The following ARHGEF28 variants were observed in gnomAD, a reference collection of about 807,000 sequenced individuals.
ARHGEF28 encodes the protein Rho guanine nucleotide exchange factor 28.
In ARHGEF28, 152 loss-of-function variants were observed where a neutral mutation model predicts 206.6. The observed-to-expected ratio is 0.74, with a 90% confidence interval of 0.64 to 0.84. ARHGEF28 has a LOEUF of 0.84. Ranked by LOEUF, ARHGEF28 falls within the 40% of genes least tolerant of loss-of-function variation. The pLI, the probability that ARHGEF28 is intolerant of heterozygous loss-of-function variation, is 0.00. For missense variants in ARHGEF28, 2,028 were observed against 2,073.2 expected (o/e 0.98, Z 0.42); for synonymous variants, 763 against 776.4 (o/e 0.98, Z 0.29).
chr5:73,813,799 CT>C, intron 9 of ARHGEF28: 1 of 976,034 alleles, frequency 1.0e-6, no homozygotes, highest in Non-Finnish European at 1.5e-6. Flanking sequence ...TTATAAAACA[CT>C]CACTGTACAG....
intron 1 of ARHGEF28, among the ~76,000 whole-genome samples, chr5:73,645,598 A>G (rs970649238): frequency 1.3e-5 from 2 of 152,244 alleles, no homozygotes; most frequent in African/African-American, 2.4e-5. Context: ...AGAAAACATG[A>G]TACTGAACTA....
intron 2 of ARHGEF28, among the ~76,000 whole-genome samples, chr5:73,686,912 C>A (rs1038978278): frequency 2.0e-4 from 30 of 152,024 alleles, no homozygotes; most frequent in Admixed American, 5.2e-4. Context: ...CATAATCTCA[C>A]CCCCATGGAT....
At position 73,669,127 on chromosome 5, in the gene ARHGEF28, T is replaced by A. The variant is rs183421069; in HGVS notation, c.-11-15714T>A. ...TTCTGTAGGGTGGGTGTGAATTTTT[T>A]AATATATTTTAAAAATTCCAATTCA... On this transcript the variant is annotated intron_variant, in intron 1 of 35. Transcript: ENST00000513042. 1.5e-3 allele frequency among the ~76,000 whole-genome samples: 227 copies of A among 152,352 alleles called. 6 individuals are homozygous for A. The East Asian group carries it at 0.036, about 24-fold the overall frequency.
At chr5:73,874,710 T>C (rs1229847362) in intron 22 of ARHGEF28, among the ~76,000 whole-genome samples, 1 of 151,316 alleles carries the variant, frequency 6.6e-6, no homozygotes, top group Admixed American at 6.6e-5. Context: ...AGAATGATGA[T>C]TTCCAATTTC....
In ARHGEF28 at chr5:73,928,085, G is replaced by A. The variant is rs190633677; in HGVS notation, c.4949-12759G>A. ...AATATCAATTTCTCAAACCAGAATA[G>A]GTATGTAAGTTCTTTGACATCTCAT... On this transcript the variant is annotated intron_variant, in intron 35 of 35. Transcript: ENST00000513042. 2.0e-4 allele frequency among the ~76,000 whole-genome samples: 30 copies of A among 152,290 alleles called. No individual in the cohort carries two copies. In the East Asian group the frequency reaches 5.2e-3, roughly 26 times the overall value.
At chr5:73,785,977 C>T (rs1219569527) in intron 7 of ARHGEF28, among the ~76,000 whole-genome samples, 2 of 151,476 alleles carry the variant, frequency 1.3e-5, no homozygotes, top group East Asian at 3.9e-4. Flanking sequence ...GTCCTTAGGC[C>T]CATTTCCATA....
At chr5:73,741,946 C>G (rs1046956754) in intron 2 of ARHGEF28, among the ~76,000 whole-genome samples, 3 of 151,992 alleles carry the variant, frequency 2.0e-5, no homozygotes, top group African/African-American at 7.3e-5. Flanking sequence ...GTGGATTTGT[C>G]TATTCTATTG....
intron 22 of ARHGEF28, 47 bp from the exon 23 acceptor site, chr5:73,882,425 A>G (rs1449466879): frequency 7.7e-7 from 1 of 1,296,264 alleles, no homozygotes; most frequent in Non-Finnish European, 1.0e-6. Flanking sequence ...TTGTGTGTTT[A>G]GAACTTACTA....
intron 1 of ARHGEF28, among the ~76,000 whole-genome samples, chr5:73,661,748 A>G (rs1176312411): frequency 1.3e-5 from 2 of 152,136 alleles, no homozygotes; most frequent in East Asian, 3.9e-4. Context: ...CACACATAAC[A>G]TTTATTCAAT....
intron 2 of ARHGEF28, among the ~76,000 whole-genome samples, chr5:73,719,337 G>A (rs1287488040): frequency 6.6e-6 from 1 of 151,796 alleles, no homozygotes; most frequent in African/African-American, 2.4e-5. Flanking sequence ...CGTGAACCCG[G>A]GAGGCGGAGC....
chr5:73,862,673 C>G (rs549219387), intron 16 of ARHGEF28, among the ~76,000 whole-genome samples: 1 of 152,034 alleles, frequency 6.6e-6, no homozygotes, highest in Non-Finnish European at 1.5e-5. Flanking sequence ...TACTCTCCCC[C>G]GGCCCAGCCT....
chr5:73,858,046 C>T lies in ARHGEF28; in HGVS notation c.1915-41C>T, dbSNP rs777434001. ...TTGGCTCACAGCGTTTTCCTTTTCT[C>T]ATTTTTCCCCACTTTCCTACTGCTG... On this transcript the variant is annotated intron_variant, in intron 15 of 35. Transcript: ENST00000513042. 48 of 1,561,588 alleles carry T rather than the reference C, an allele frequency of 3.1e-5. No homozygotes were observed. The South Asian group carries it at 5.3e-4, about 17-fold the overall frequency.
Position 73,740,776 on chromosome 5 carries a change from C to T in ARHGEF28, c.34-9061C>T, listed in dbSNP as rs567477286. Among the ~76,000 whole-genome samples, 6 of 152,192 alleles carry T rather than the reference C, an allele frequency of 3.9e-5. No homozygotes were observed. The South Asian group carries it at 1.2e-3, about 32-fold the overall frequency. ...ATTTGTATTAAAGTATTCCATGGCC[C>T]AGGTGTGTCTGACAGGTATAAAGCA... On this transcript the variant is annotated intron_variant, in intron 2 of 35. Transcript: ENST00000513042.
intron 1 of ARHGEF28, among the ~76,000 whole-genome samples, chr5:73,670,154 T>C (rs1746219925): frequency 6.6e-6 from 1 of 152,222 alleles, no homozygotes; most frequent in African/African-American, 2.4e-5. Context: ...TCCCCCAGTG[T>C]GGTGTCTAAC....
intron 9 of ARHGEF28, among the ~76,000 whole-genome samples, chr5:73,825,497 C>T (rs1029064983): frequency 2.6e-5 from 4 of 152,006 alleles, no homozygotes; most frequent in African/African-American, 9.7e-5. Flanking sequence ...CACTGTAGGT[C>T]ATGGAAAACT....
rs1241612908 is a variant in ARHGEF28, at chr5:73,849,225, T to C, written c.1747+138T>C. On this transcript the variant is annotated intron_variant, in intron 13 of 35. Coordinates refer to ENST00000513042, the MANE Select transcript of ARHGEF28 (RefSeq NM_001177693.2). ...TTTTCATAACTGGTTTTTCTAAGCC[T>C]GACAAAATTCTTTTCTTATTGGATA... The C allele has an allele frequency of 3.0e-5, 19 of 643,846 alleles. 1 individual carries two copies. The Admixed American group carries it at 6.5e-4, about 22-fold the overall frequency. The allele number at this position is 643,846 out of a possible 1,614,324, so 39.9% of individuals were successfully genotyped here.
Position 73,671,012 on chromosome 5 carries a change from C to T in ARHGEF28, c.-11-13829C>T, listed in dbSNP as rs140166392. ...CTTAGCCTTTTTTTTTCAGGTCTAA[C>T]GGGCCCTTGAGAATCCGATGAAAAC... On this transcript the variant is annotated intron_variant, in intron 1 of 35. Transcript: ENST00000513042. Among the ~76,000 whole-genome samples the T allele has an allele frequency of 2.0e-3, 309 of 151,986 alleles. 1 individual carries two copies. Among genetic ancestry groups the T allele is most frequent in the African/African-American group, 6.3e-3 (260 of 41,454 alleles).
chr5:73,885,465 T>G (rs1440374848), intron 24 of ARHGEF28, among the ~76,000 whole-genome samples: 1 of 151,152 alleles, frequency 6.6e-6, no homozygotes, highest in East Asian at 1.9e-4. Context: ...AGTGGTATTA[T>G]AGGATTTAAT....
intron 35 of ARHGEF28, among the ~76,000 whole-genome samples, chr5:73,915,057 A>G (rs1405332533): frequency 2.0e-5 from 3 of 152,192 alleles, no homozygotes; most frequent in Non-Finnish European, 4.4e-5. Flanking sequence ...GTACTTTTTA[A>G]AGAAGTTGGT....
Sources: gnomAD v4.1 joint callset for allele counts (sites outside exome capture counted in the v4.1 genomes callset) on GRCh38, gnomAD v4.1.1 for gene constraint, MANE v1.5 for transcripts, NCBI Gene and HGNC (gene_info 2026-07-23, HGNC 2026-07-21) for gene names.